MBNL2: variants seen among roughly 807,000 people sequenced by gnomAD.
The protein encoded by MBNL2 is muscleblind like splicing regulator 2.
Under a neutral mutation model 41.9 loss-of-function variants are expected in MBNL2, and 17 were observed. That is an observed-to-expected ratio of 0.41 (90% confidence interval 0.28 to 0.61). MBNL2 has a LOEUF of 0.61. Among genes scored for constraint, MBNL2 ranks in the 20% least tolerant of loss-of-function variants. MBNL2 has a pLI of 0.35. For synonymous variants in MBNL2, 195 were observed against 182.9 expected (o/e 1.07, Z -0.53); for missense variants, 336 against 505.6 (o/e 0.66, Z 3.22).
At chr13:97,269,907 A>G (rs1469802034) in intron 1 of MBNL2, among the ~76,000 whole-genome samples, 1 of 152,256 alleles carries the variant, frequency 6.6e-6, no homozygotes, top group Non-Finnish European at 1.5e-5. Context: ...GAAGCCTGAA[A>G]GTAGATTTTG....
chr13:97,300,754 C>G (rs371282713), intron 2 of MBNL2, among the ~76,000 whole-genome samples: 1 of 152,330 alleles, frequency 6.6e-6, no homozygotes, highest in South Asian at 2.1e-4. Context: ...TTTGGGTGCT[C>G]AATCCCTACT....
At chr13:97,344,629 G>T (rs74106934) in intron 4 of MBNL2, among the ~76,000 whole-genome samples, 7,326 of 152,186 alleles carry the variant, frequency 0.048, 531 homozygotes, top group African/African-American at 0.16. Context: ...GAAGAGAATG[G>T]AAACTCTAAT....
intron 2 of MBNL2, among the ~76,000 whole-genome samples, chr13:97,294,351 G>A (rs2056688366): frequency 6.6e-6 from 1 of 152,150 alleles, no homozygotes; most frequent in South Asian, 2.1e-4. Context: ...AACTAACTAG[G>A]AGACAGATAG....
Position 97,222,543 on chromosome 13 carries a change from G to GC in MBNL2, c.-605+18dup. The stretch of plus-strand genomic sequence containing the variant: ...CAGAGCTAAACAAGGTAGGAGAATC[G>GC]CCCCCCTTTTTTGAATGTTTAAAGA... On this transcript the variant is annotated intron_variant, in intron 1 of 8. Transcript: ENST00000679496. 2.5e-6 allele frequency: 1 copy of GC among 398,248 alleles called. No individual in the cohort carries two copies. 24.7% of individuals were successfully genotyped at this position (398,248 alleles called of 1,614,324 possible). A position where few individuals can be genotyped will look rare whatever the true frequency, so the allele number is the denominator to read the frequency against.
chr13:97,255,802 A>G (rs191361781), intron 1 of MBNL2, among the ~76,000 whole-genome samples: 1 of 152,354 alleles, frequency 6.6e-6, no homozygotes, highest in Admixed American at 6.5e-5. Flanking sequence ...AAGCATCCAT[A>G]ATCTACCTAC....
intron 2 of MBNL2, among the ~76,000 whole-genome samples, chr13:97,276,816 C>CTT (rs569822869): frequency 1.4e-5 from 2 of 143,122 alleles, no homozygotes; most frequent in African/African-American, 5.1e-5. Flanking sequence ...ATTCTTATGG[C>CTT]TTTTTTTTTT....
the MBNL2 span, among the ~76,000 whole-genome samples, chr13:97,144,511 C>A: frequency 7.0e-6 from 1 of 143,640 alleles, no homozygotes; most frequent in Non-Finnish European, 1.5e-5. Context: ...CTTACTGCAA[C>A]CTCTGCCTCC....
At chr13:97,211,074 C>G in the MBNL2 span, among the ~76,000 whole-genome samples, 1 of 152,064 alleles carries the variant, frequency 6.6e-6, no homozygotes, top group Non-Finnish European at 1.5e-5. Flanking sequence ...TATGAGAATC[C>G]TCATTGAAAT....
At chr13:97,145,702 G>A in the MBNL2 span, among the ~76,000 whole-genome samples, 2 of 152,252 alleles carry the variant, frequency 1.3e-5, no homozygotes, top group Non-Finnish European at 2.9e-5. Context: ...GTTTGGAACT[G>A]CACAGTGTAA....
At chr13:97,275,143 C>T (rs1411597556) in intron 1 of MBNL2, among the ~76,000 whole-genome samples, 1 of 152,228 alleles carries the variant, frequency 6.6e-6, no homozygotes, top group Non-Finnish European at 1.5e-5. Context: ...GAGGATCCTA[C>T]CTACCCATCT....
intron 1 of MBNL2, among the ~76,000 whole-genome samples, chr13:97,272,291 TG>T (rs2051209421): frequency 6.6e-6 from 1 of 152,226 alleles, no homozygotes; most frequent in Admixed American, 6.5e-5. Flanking sequence ...CAGTTTTTGA[TG>T]GGATTGTTTG....
intron 1 of MBNL2, among the ~76,000 whole-genome samples, chr13:97,272,719 T>TA (rs1290791963): frequency 1.1e-4 from 17 of 152,222 alleles, no homozygotes; most frequent in Admixed American, 1.1e-3. Context: ...TTCTCACAAC[T>TA]AAAAAATGCT....
chr13:97,231,880 A>G (rs1026519258), intron 1 of MBNL2, among the ~76,000 whole-genome samples: 1 of 152,040 alleles, frequency 6.6e-6, no homozygotes, highest in African/African-American at 2.4e-5. Flanking sequence ...GGTGGTCAGA[A>G]CTGGAGCCCA....
the MBNL2 span, among the ~76,000 whole-genome samples, chr13:97,199,488 G>A: frequency 6.6e-6 from 1 of 152,178 alleles, no homozygotes; most frequent in Non-Finnish European, 1.5e-5. Context: ...CAAAGTAGGG[G>A]CTTAAGTATT....
At chr13:97,349,979 A>G (rs2062286459) in intron 5 of MBNL2, among the ~76,000 whole-genome samples, 1 of 152,312 alleles carries the variant, frequency 6.6e-6, no homozygotes, top group African/African-American at 2.4e-5. Flanking sequence ...CCCTGTGGTC[A>G]GTGACAGGAT....
the MBNL2 span, among the ~76,000 whole-genome samples, chr13:97,195,827 G>A: frequency 2.0e-5 from 3 of 151,976 alleles, no homozygotes; most frequent in South Asian, 6.2e-4. Context: ...TTTTAATTAC[G>A]AGAGCCTCAT....
At chr13:97,283,492 C>T (rs1472266536) in intron 2 of MBNL2, among the ~76,000 whole-genome samples, 1 of 152,212 alleles carries the variant, frequency 6.6e-6, no homozygotes, top group Non-Finnish European at 1.5e-5. Context: ...GGCCCAAACT[C>T]TTGGTCCTTT....
At chr13:97,157,662 T>G in the MBNL2 span, among the ~76,000 whole-genome samples, 11 of 150,472 alleles carry the variant, frequency 7.3e-5, no homozygotes, top group African/African-American at 2.7e-4. Flanking sequence ...TCATGTGGTT[T>G]TTGTCTTTGG....
In MBNL2 at chr13:97,357,649, C is replaced by T. The variant is rs1376848854; in HGVS notation, c.1012+14C>T. ...TCATTCCAACAGGTATGTGCCCTTA[C>T]TGCCCTACGTCCTGTGCCCTTCTGG... On this transcript the variant is annotated intron_variant, in intron 7 of 8. Transcript: ENST00000679496. 5 of 1,612,822 alleles carry T rather than the reference C, an allele frequency of 3.1e-6. No homozygotes were observed. The highest frequency in any genetic ancestry group is 4.2e-6 in the Non-Finnish European group (5 of 1,179,314).
Sources: gnomAD v4.1 joint callset for allele counts (sites outside exome capture counted in the v4.1 genomes callset) on GRCh38, gnomAD v4.1.1 for gene constraint, MANE v1.5 for transcripts, NCBI Gene and HGNC (gene_info 2026-07-23, HGNC 2026-07-21) for gene names.